EVI5: variants seen among roughly 807,000 people sequenced by gnomAD.
The protein encoded by EVI5 is ecotropic viral integration site 5.
In EVI5, 73 loss-of-function variants were observed where a neutral mutation model predicts 112.0. The observed-to-expected ratio is 0.65, with a 90% CI of 0.54 to 0.79. EVI5 has a LOEUF of 0.79. Among genes scored for constraint, EVI5 ranks in the 30% least tolerant of loss-of-function variants. The pLI is 0.00. For synonymous variants in EVI5, 305 were observed against 319.9 expected (o/e 0.95, Z 0.50); for missense variants, 900 against 968.8 (o/e 0.93, Z 0.94).
rs141994603 is a variant in EVI5 at position 92,765,006 on chromosome 1, GAAT to G, written c.-82+19827_-82+19829del. Among the ~76,000 whole-genome samples the G allele has an allele frequency of 3.2e-3, 485 of 152,042 alleles. 6 individuals carry two copies. The highest frequency in any genetic ancestry group is 0.011 in the African/African-American group (458 of 41,492). ...GCCAACCTAAATCATCCAACAAATA[GAAT>G]AATTAATATTTTTAAGCACATACAT... On this transcript the variant is annotated intron_variant, in intron 1 of 19. Coordinates refer to ENST00000684568, the MANE Select transcript of EVI5 (RefSeq NM_001350197.2).
chr1:92,628,637 T>C (rs1656212668), intron 14 of EVI5, among the ~76,000 whole-genome samples: 1 of 152,140 alleles, frequency 6.6e-6, no homozygotes, highest in Non-Finnish European at 1.5e-5. Context: ...TAGCCCAGTA[T>C]CAAACTTCTC....
intron 18 of EVI5, among the ~76,000 whole-genome samples, chr1:92,564,056 G>A (rs763853821): frequency 7.2e-5 from 11 of 152,112 alleles, no homozygotes; most frequent in Non-Finnish European, 1.2e-4. Context: ...TAGAGTAGCT[G>A]GGATTAACAG....
Position 92,513,655 on chromosome 1 carries a change from G to A in EVI5, c.*1C>T. The stretch of plus-strand genomic sequence containing the variant: ...ATCCATAGTCTAGGTCACAGTGATG[G>A]TCAGACAGTGGTTGAATACGACTCT... On this transcript the variant is annotated 3_prime_UTR_variant, in exon 20 of 20. Coordinates refer to ENST00000684568, the MANE Select transcript of EVI5 (RefSeq NM_001350197.2). 1 of 1,593,908 alleles carries A rather than the reference G, an allele frequency of 6.3e-7. No homozygotes were observed. Among genetic ancestry groups the A allele is most frequent in the Non-Finnish European group, 8.6e-7 (1 of 1,168,062 alleles).
At chr1:92,737,569 A>T (rs886920602) in intron 1 of EVI5, among the ~76,000 whole-genome samples, 1 of 152,200 alleles carries the variant, frequency 6.6e-6, no homozygotes, top group Non-Finnish European at 1.5e-5. Flanking sequence ...CATACTGTTC[A>T]AAGCTAACAC....
intron 18 of EVI5, among the ~76,000 whole-genome samples, chr1:92,570,704 T>C (rs977397295): frequency 6.6e-6 from 1 of 152,112 alleles, no homozygotes; most frequent in Non-Finnish European, 1.5e-5. Flanking sequence ...CCAGAGAAAC[T>C]TGCAATGAAA....
At chr1:92,663,488 A>G in intron 11 of EVI5, 36 bp from the exon 12 acceptor site, 1 of 1,044,036 alleles carries the variant, frequency 9.6e-7, no homozygotes, top group Non-Finnish European at 1.4e-6. Flanking sequence ...AATATAAGAG[A>G]AAGAAATAAA....
intron 2 of EVI5, among the ~76,000 whole-genome samples, chr1:92,709,942 C>T (rs1254008491): frequency 6.6e-6 from 1 of 151,820 alleles, no homozygotes; most frequent in Non-Finnish European, 1.5e-5. Flanking sequence ...TTTACAAAGC[C>T]TTGAGCTTGG....
At chr1:92,683,093 T>C (rs1484801269) in intron 9 of EVI5, among the ~76,000 whole-genome samples, 1 of 152,220 alleles carries the variant, frequency 6.6e-6, no homozygotes, top group Non-Finnish European at 1.5e-5. Context: ...AAATTACATT[T>C]ACTTCCTGTC....
At chr1:92,595,374 A>C (rs1204094097) in intron 18 of EVI5, among the ~76,000 whole-genome samples, 1 of 151,672 alleles carries the variant, frequency 6.6e-6, no homozygotes, top group Non-Finnish European at 1.5e-5. Context: ...ATGAGAACAC[A>C]CGGACACAGG....
intron 16 of EVI5, among the ~76,000 whole-genome samples, chr1:92,608,721 G>GAA (rs11382906): frequency 2.8e-4 from 41 of 146,378 alleles, no homozygotes; most frequent in Middle Eastern, 3.4e-3. Context: ...AAAAGGAAAG[G>GAA]AAAAAAAAAA....
At chr1:92,686,317 T>C (rs1018678682) in intron 9 of EVI5, among the ~76,000 whole-genome samples, 5 of 152,208 alleles carry the variant, frequency 3.3e-5, no homozygotes, top group Admixed American at 6.5e-5. Context: ...TCTCAATAGA[T>C]GCAGAAAAGG....
intron 19 of EVI5, among the ~76,000 whole-genome samples, chr1:92,543,630 C>T (rs553624614): frequency 2.6e-5 from 4 of 152,322 alleles, no homozygotes; most frequent in African/African-American, 4.8e-5. Context: ...TCTCAGCTTT[C>T]AACATGCCTG....
intron 2 of EVI5, among the ~76,000 whole-genome samples, chr1:92,733,807 T>C (rs910315358): frequency 1.3e-5 from 2 of 152,178 alleles, no homozygotes; most frequent in Non-Finnish European, 2.9e-5. Flanking sequence ...TTAGCTTTCA[T>C]TAGGTTATGC....
intron 19 of EVI5, among the ~76,000 whole-genome samples, chr1:92,549,569 G>A (rs1030248076): frequency 3.3e-5 from 5 of 151,830 alleles, no homozygotes; most frequent in Admixed American, 6.6e-5. Flanking sequence ...GCAACCTACA[G>A]AATGGGAGAA....
intron 19 of EVI5, among the ~76,000 whole-genome samples, chr1:92,539,415 C>T (rs376623429): frequency 6.6e-6 from 1 of 151,032 alleles, no homozygotes; most frequent in Non-Finnish European, 1.5e-5. Context: ...TAGTGGCGGG[C>T]GCCTGTAGTC....
intron 14 of EVI5, among the ~76,000 whole-genome samples, chr1:92,630,620 C>T (rs1404333240): frequency 1.3e-5 from 2 of 152,058 alleles, no homozygotes; most frequent in Non-Finnish European, 2.9e-5. Flanking sequence ...CTGTAGGTTG[C>T]CTGTTCACTC....
chr1:92,563,130 A>C (rs1476168475), intron 19 of EVI5, among the ~76,000 whole-genome samples: 1 of 152,130 alleles, frequency 6.6e-6, no homozygotes, highest in African/African-American at 2.4e-5. Flanking sequence ...TGAATCTCAC[A>C]GATTCAAGGT....
At chr1:92,634,857 G>C (rs1214334838) in intron 14 of EVI5, among the ~76,000 whole-genome samples, 1 of 152,138 alleles carries the variant, frequency 6.6e-6, no homozygotes, top group Non-Finnish European at 1.5e-5. Flanking sequence ...ATGGGGTTTT[G>C]GTGTGGATGT....
chr1:92,524,832 T>C (rs146192603), intron 19 of EVI5, among the ~76,000 whole-genome samples: 155 of 151,666 alleles, frequency 1.0e-3, no homozygotes, highest in Non-Finnish European at 1.7e-3. Flanking sequence ...TAACTACTTT[T>C]TTTTTTTTTT....
Sources: allele counts gnomAD v4.1 joint callset (sites outside exome capture counted in the v4.1 genomes callset), GRCh38; gene constraint gnomAD v4.1.1; transcripts MANE v1.5; gene names NCBI Gene and HGNC (gene_info 2026-07-23, HGNC 2026-07-21).